Variants in SCUBE1 observed in about 807,000 individuals in gnomAD.
SCUBE1 encodes the protein signal peptide, CUB domain and EGF like domain containing 1.
Under a neutral mutation model 124.4 loss-of-function variants are expected in SCUBE1, and 59 were observed. The ratio of observed to expected loss-of-function variants is 0.47; its 90% confidence interval spans 0.38 to 0.59. SCUBE1 has a LOEUF of 0.59. Among genes scored for constraint, SCUBE1 ranks in the 20% least tolerant of loss-of-function variants. The pLI, the probability that SCUBE1 is intolerant of heterozygous loss-of-function variation, is 0.00. For missense variants in SCUBE1, 1,150 were observed against 1,371.2 expected (o/e 0.84, Z 2.55); for synonymous variants, 545 against 550.9 (o/e 0.99, Z 0.15).
At chr22:43,269,041 C>T (rs897016151) in intron 4 of SCUBE1, among the ~76,000 whole-genome samples, 5 of 152,092 alleles carry the variant, frequency 3.3e-5, no homozygotes, top group Admixed American at 1.3e-4. Context: ...ACTTGGGCCC[C>T]GGCTATACTT....
intron 3 of SCUBE1, among the ~76,000 whole-genome samples, chr22:43,307,356 C>T (rs942719229): frequency 6.6e-6 from 1 of 152,230 alleles, no homozygotes; most frequent in African/African-American, 2.4e-5. Flanking sequence ...CAGTGCAGAA[C>T]AGCAGGTGTA....
At chr22:43,218,655 C>T (rs534773503) in intron 14 of SCUBE1, among the ~76,000 whole-genome samples, 197 bp from the exon 15 acceptor site, 7 of 152,244 alleles carry the variant, frequency 4.6e-5, no homozygotes, top group Non-Finnish European at 1.0e-4. Flanking sequence ...GGAGGCAGGG[C>T]CTGCCCACGG....
At chr22:43,284,543 C>T (rs1925054264) in intron 4 of SCUBE1, among the ~76,000 whole-genome samples, 1 of 152,244 alleles carries the variant, frequency 6.6e-6, no homozygotes, top group African/African-American at 2.4e-5. Flanking sequence ...ATCAGGCAGT[C>T]AGGAGCCCAG....
intron 2 of SCUBE1, among the ~76,000 whole-genome samples, chr22:43,335,066 T>A (rs149432564): frequency 6.6e-6 from 1 of 152,244 alleles, no homozygotes; most frequent in Non-Finnish European, 1.5e-5. Context: ...GAGAAACAGG[T>A]CTGTCAAACC....
At chr22:43,243,456 G>A (rs1923085369) in intron 6 of SCUBE1, among the ~76,000 whole-genome samples, 1 of 152,244 alleles carries the variant, frequency 6.6e-6, no homozygotes, top group Non-Finnish European at 1.5e-5. Context: ...GCCCTGCAGG[G>A]GAGGCCGGGC....
chr22:43,336,560 G>A (rs557540995), intron 2 of SCUBE1, among the ~76,000 whole-genome samples: 1 of 152,310 alleles, frequency 6.6e-6, no homozygotes, highest in African/African-American at 2.4e-5. Context: ...TGGGGGCATG[G>A]CCTGAGTTTG....
chr22:43,281,397 T>C (rs372523691), intron 4 of SCUBE1, among the ~76,000 whole-genome samples: 26 of 67,426 alleles, frequency 3.9e-4, no homozygotes, highest in South Asian at 7.7e-4. Context: ...TCCTCAGCTA[T>C]CCTGTCACCT....
At chr22:43,245,889 G>A (rs995814393) in intron 6 of SCUBE1, among the ~76,000 whole-genome samples, 3 of 152,230 alleles carry the variant, frequency 2.0e-5, no homozygotes, top group Non-Finnish European at 2.9e-5. Context: ...GATGCGCTAG[G>A]AGTGTGGCAA....
intron 3 of SCUBE1, among the ~76,000 whole-genome samples, chr22:43,304,991 C>A (rs1000345436): frequency 6.6e-6 from 1 of 152,204 alleles, no homozygotes; most frequent in South Asian, 2.1e-4. Context: ...GATATGGGCA[C>A]CCGGGGCATG....
At chr22:43,315,342 T>C (rs2146779300) in intron 3 of SCUBE1, among the ~76,000 whole-genome samples, 1 of 152,180 alleles carries the variant, frequency 6.6e-6, no homozygotes, top group African/African-American at 2.4e-5. Context: ...ATAAAACTCA[T>C]GAGCGGTGAC....
intron 3 of SCUBE1, among the ~76,000 whole-genome samples, chr22:43,295,467 T>C (rs1375982304): frequency 6.6e-6 from 1 of 152,222 alleles, no homozygotes; most frequent in African/African-American, 2.4e-5. Context: ...GCACAGTTTG[T>C]GCTTGCACAC....
At chr22:43,213,962 A>C in intron 16 of SCUBE1, 128 bp downstream of exon 16, 7 of 986,350 alleles carry the variant, frequency 7.1e-6, no homozygotes, top group Admixed American at 2.9e-5. Flanking sequence ...ACGACAAGGA[A>C]CTTTAGAAAA....
Position 43,211,203 on chromosome 22 carries a change from G to T in SCUBE1, c.2222-120C>A. On this transcript the variant is annotated intron_variant, in intron 17 of 21. Coordinates refer to ENST00000360835, the MANE Select transcript of SCUBE1 (RefSeq NM_173050.5). The surrounding 1 kb of genome is among the most constrained non-coding windows in gnomAD (Gnocchi z 4.5). ...GGTCTGTTTTGGCACAGAGTTCAAG[G>T]CTCCTCCCCACCGCCCCATGACCTC... 2 of 1,048,414 alleles carry T rather than the reference G, an allele frequency of 1.9e-6. No homozygotes were observed. The highest frequency in any genetic ancestry group is 1.4e-6 in the Non-Finnish European group (1 of 720,750). 64.9% of individuals were successfully genotyped at this position (1,048,414 alleles called of 1,614,324 possible).
At chr22:43,279,759 G>T (rs1246449433) in intron 4 of SCUBE1, among the ~76,000 whole-genome samples, 2 of 152,314 alleles carry the variant, frequency 1.3e-5, no homozygotes, top group East Asian at 3.9e-4. Context: ...CCTGCCTCAG[G>T]TTGGACCCTC....
chr22:43,277,333 C>T (rs530959548), intron 4 of SCUBE1, among the ~76,000 whole-genome samples: 1 of 152,090 alleles, frequency 6.6e-6, no homozygotes, highest in Admixed American at 6.5e-5. Flanking sequence ...ATGACAGAGC[C>T]AGAGGGTTGG....
intron 4 of SCUBE1, chr22:43,282,261 A>AC (rs751338320): frequency 2.4e-4 from 36 of 152,510 alleles, no homozygotes; most frequent in Non-Finnish European, 4.8e-4. Flanking sequence ...CAGGATGGAC[A>AC]CGGGCACCCA....
intron 8 of SCUBE1, among the ~76,000 whole-genome samples, chr22:43,230,216 A>G (rs1922496046): frequency 6.6e-6 from 1 of 152,068 alleles, no homozygotes; most frequent in Non-Finnish European, 1.5e-5. Flanking sequence ...AGGTAAGAGC[A>G]TGGGGTGCCC....
chr22:43,257,971 G>A (rs1045905097), intron 6 of SCUBE1, among the ~76,000 whole-genome samples: 4 of 152,190 alleles, frequency 2.6e-5, no homozygotes, highest in Admixed American at 1.3e-4. Context: ...CACGTCAGGC[G>A]TCGCCAGGGA....
chr22:43,243,111 C>T (rs1039522748), intron 6 of SCUBE1, among the ~76,000 whole-genome samples: 4 of 152,264 alleles, frequency 2.6e-5, no homozygotes, highest in African/African-American at 9.6e-5. Flanking sequence ...ACGCCACACA[C>T]CCTAGAAGCT....
Sources: gnomAD v4.1 joint callset for allele counts (sites outside exome capture counted in the v4.1 genomes callset) on GRCh38, gnomAD v4.1.1 for gene constraint, Gnocchi (gnomAD v3.1) non-coding constraint, MANE v1.5 for transcripts, NCBI Gene and HGNC (gene_info 2026-07-23, HGNC 2026-07-21) for gene names.